Variants in SNX29 observed in about 807,000 individuals in gnomAD.
The protein encoded by SNX29 is sorting nexin 29, also known as sorting nexin-29.
SNX29 carries 78 observed loss-of-function variants against 102.1 expected under a neutral mutation model. The ratio of observed to expected loss-of-function variants is 0.76; its 90% CI spans 0.64 to 0.92. SNX29 has a LOEUF of 0.92. SNX29 is among the 40% of genes least tolerant of loss of function. SNX29 has a pLI of 0.00. For missense variants in SNX29, 1,280 were observed against 1,061.7 expected (o/e 1.21, Z -2.86); for synonymous variants, 580 against 414.5 (o/e 1.40, Z -4.85).
At chr16:12,055,844 C>G (rs898881286) in intron 8 of SNX29, among the ~76,000 whole-genome samples, 5 of 152,100 alleles carry the variant, frequency 3.3e-5, no homozygotes, top group African/African-American at 1.2e-4. Flanking sequence ...GTATTGTGGC[C>G]CAGCAAAATT....
At chr16:12,237,918 T>C (rs1213099909) in intron 14 of SNX29, among the ~76,000 whole-genome samples, 1 of 152,026 alleles carries the variant, frequency 6.6e-6, no homozygotes, top group Non-Finnish European at 1.5e-5. Flanking sequence ...TCTAAATAAA[T>C]AAATAAATAA....
rs1567501741 is a variant in SNX29, at chr16:11,991,709, A to ACCTTTTTT, written c.8-7588_8-7587insCCTTTTTT. On this transcript the variant is annotated intron_variant, in intron 1 of 20. Transcript: ENST00000566228. Reference sequence around the variant, plus strand: ...AGGTGCATGCCACCACCTGAGGCTAATCTTTTTTTTTTTTTTTTTTTTCCA... The same window carrying ACCTTTTTT: ...AGGTGCATGCCACCACCTGAGGCTAACCTTTTTTTCTTTTTTTTTTTTTTTTTTTTCCA... Among the ~76,000 whole-genome samples the ACCTTTTTT allele has an allele frequency of 1.7e-5, 2 of 118,846 alleles. 1 individual carries two copies. Among genetic ancestry groups the ACCTTTTTT allele is most frequent in the African/African-American group, 6.7e-5 (2 of 29,644 alleles). 78.0% of individuals were successfully genotyped at this position (118,846 alleles called of 152,430 possible). A position where few individuals can be genotyped will look rare whatever the true frequency, so the allele number is the denominator to read the frequency against.
chr16:12,142,237 C>G (rs1463366206), intron 13 of SNX29, among the ~76,000 whole-genome samples: 2 of 152,242 alleles, frequency 1.3e-5, no homozygotes, highest in African/African-American at 4.8e-5. Flanking sequence ...CACTCTGGCT[C>G]TCCCACCTCT....
chr16:12,512,588 C>T (rs1567639055), intron 19 of SNX29, among the ~76,000 whole-genome samples: 10 of 151,368 alleles, frequency 6.6e-5, no homozygotes, highest in Admixed American at 5.9e-4. Context: ...CCCTTCTCTT[C>T]CGTGGGACTC....
At position 12,530,705 on chromosome 16, in the gene SNX29, G is replaced by A. The variant is rs147063397; in HGVS notation, c.2318+5864G>A. Among the ~76,000 whole-genome samples, 321 of 152,134 alleles carry A rather than the reference G, an allele frequency of 2.1e-3. 2 individuals are homozygous for A. The highest frequency in any genetic ancestry group is 7.3e-3 in the African/African-American group (303 of 41,492). ...TGAGTAGCTGGAATTACAAGTGGCC[G>A]CTACCATGCCCAGCTAATTTTTGTA... On this transcript the variant is annotated intron_variant, in intron 20 of 20. Coordinates refer to ENST00000566228, the MANE Select transcript of SNX29 (RefSeq NM_032167.5).
intron 4 of SNX29, among the ~76,000 whole-genome samples, chr16:12,036,547 G>C (rs2057479689): frequency 6.6e-6 from 1 of 152,050 alleles, no homozygotes; most frequent in South Asian, 2.1e-4. Context: ...TGTTAGCCAG[G>C]ATGGTCTCGA....
chr16:12,205,648 C>T (rs1054269901), intron 14 of SNX29, among the ~76,000 whole-genome samples: 7 of 152,238 alleles, frequency 4.6e-5, no homozygotes, highest in Admixed American at 1.3e-4. Context: ...ATGCCTGTCT[C>T]CATTCAGATA....
At chr16:12,286,117 A>G (rs908000560) in intron 15 of SNX29, among the ~76,000 whole-genome samples, 5 of 150,778 alleles carry the variant, frequency 3.3e-5, no homozygotes, top group Non-Finnish European at 7.4e-5. Flanking sequence ...TGCTGGGATT[A>G]CAGGTGTGAG....
At chr16:12,125,517 G>A (rs1314600107) in intron 11 of SNX29, among the ~76,000 whole-genome samples, 4 of 151,580 alleles carry the variant, frequency 2.6e-5, no homozygotes, top group African/African-American at 4.9e-5. Flanking sequence ...AGTGGATCGG[G>A]TCGGCATCCA....
chr16:12,559,735 A>T (rs986907403), intron 20 of SNX29, among the ~76,000 whole-genome samples: 2 of 152,100 alleles, frequency 1.3e-5, no homozygotes, highest in African/African-American at 2.4e-5. Context: ...AAATAGATGA[A>T]ATAGTGATGC....
At chr16:12,089,890 G>T (rs907173709) in intron 11 of SNX29, 1 of 333,660 alleles carries the variant, frequency 3.0e-6, no homozygotes, top group Non-Finnish European at 5.8e-6. Flanking sequence ...AGTGCTGAGG[G>T]CTCCCCTGTG....
At chr16:12,513,432 C>T (rs1312443298) in intron 19 of SNX29, among the ~76,000 whole-genome samples, 3 of 152,030 alleles carry the variant, frequency 2.0e-5, no homozygotes, top group African/African-American at 7.2e-5. Flanking sequence ...CCTACCCTCT[C>T]CTCTTCCCTG....
intron 20 of SNX29, among the ~76,000 whole-genome samples, chr16:12,558,646 C>T (rs1598034516): frequency 6.6e-6 from 1 of 152,250 alleles, no homozygotes; most frequent in Admixed American, 6.5e-5. Flanking sequence ...GAAACCTATT[C>T]TCCATCCCAC....
chr16:12,505,169 G>A (rs1192881387), intron 19 of SNX29, among the ~76,000 whole-genome samples: 5 of 152,286 alleles, frequency 3.3e-5, no homozygotes, highest in East Asian at 1.9e-4. Context: ...GTGGACAAAC[G>A]TTTATCTTCT....
At chr16:12,440,739 C>T (rs928922774) in intron 18 of SNX29, among the ~76,000 whole-genome samples, 3 of 152,156 alleles carry the variant, frequency 2.0e-5, no homozygotes, top group Admixed American at 1.3e-4. Flanking sequence ...ATGGCCTCTA[C>T]CCCCATCCAT....
intron 19 of SNX29, among the ~76,000 whole-genome samples, chr16:12,520,920 C>T (rs1050876464): frequency 1.3e-5 from 2 of 152,102 alleles, no homozygotes; most frequent in African/African-American, 2.4e-5. Context: ...CGTTCAAGGC[C>T]GGGTGCAGTA....
chr16:12,431,360 G>C (rs1398203650), intron 18 of SNX29, among the ~76,000 whole-genome samples: 1 of 151,750 alleles, frequency 6.6e-6, no homozygotes, highest in East Asian at 1.9e-4. Flanking sequence ...GAGGAGGAGA[G>C]TATTAGATTT....
intron 10 of SNX29, among the ~76,000 whole-genome samples, chr16:12,073,362 GTA>G (rs2051389154): frequency 6.6e-6 from 1 of 151,950 alleles, no homozygotes; most frequent in Admixed American, 6.6e-5. Flanking sequence ...AGAGATTCTG[GTA>G]TGTTGTGTCT....
intron 20 of SNX29, among the ~76,000 whole-genome samples, chr16:12,543,533 T>TG (rs1327542985): frequency 2.0e-5 from 3 of 152,164 alleles, no homozygotes; most frequent in Non-Finnish European, 4.4e-5. Context: ...GTGACACCTT[T>TG]GGCCCAGACT....
Sources: gnomAD v4.1 joint callset for allele counts (sites outside exome capture counted in the v4.1 genomes callset) on GRCh38, gnomAD v4.1.1 for gene constraint, MANE v1.5 for transcripts, NCBI Gene and HGNC (gene_info 2026-07-23, HGNC 2026-07-21) for gene names.